DAB1: variants seen among roughly 807,000 people sequenced by gnomAD.
DAB1 encodes the protein disabled homolog 1.
In DAB1, 15 loss-of-function variants were observed where a neutral mutation model predicts 64.6. That is an observed-to-expected ratio of 0.23 (90% CI 0.16 to 0.36). The LOEUF (loss-of-function observed/expected upper bound fraction) is 0.36. DAB1 is among the 10% of genes least tolerant of loss of function. DAB1 has a pLI of 1.00. For missense variants in DAB1, 596 were observed against 706.7 expected, an observed-to-expected ratio of 0.84 and a Z score of 1.78; for synonymous variants, 235 against 251.9, an observed-to-expected ratio of 0.93 and a Z score of 0.64.
intron 7 of DAB1, among the ~76,000 whole-genome samples, chr1:57,439,299 A>G (rs547941792): frequency 6.6e-6 from 1 of 152,192 alleles, no homozygotes; most frequent in East Asian, 1.9e-4. Flanking sequence ...GTCATTGCCT[A>G]AAGCCAACAT....
At chr1:57,934,913 G>A (rs907447725) in intron 5 of DAB1, among the ~76,000 whole-genome samples, 22 of 152,174 alleles carry the variant, frequency 1.4e-4, no homozygotes, top group Admixed American at 1.3e-3. Flanking sequence ...CCAAAGAGAC[G>A]AAACAAAATT....
rs1570775870 is a variant in DAB1 at position 57,145,526 on chromosome 1, C to T, written c.68-97G>A. ...AAGATCCGCTGTCTGGTTTCATCTA[C>T]ATTCCCGGAAAGTCAAATCACTGGA... On this transcript the variant is annotated intron_variant, in intron 2 of 14. Coordinates refer to ENST00000371236, the MANE Select transcript of DAB1 (RefSeq NM_001365792.1). 4.2e-5 allele frequency: 56 copies of T among 1,328,270 alleles called. 2 individuals carry two copies. In the South Asian group the frequency reaches 7.3e-4, roughly 17 times the overall value. The allele number at this position is 1,328,270 out of a possible 1,614,324, so 82.3% of individuals were successfully genotyped here.
At chr1:57,307,389 C>T (rs1159486491) in intron 1 of DAB1, 1 of 152,390 alleles carries the variant, frequency 6.6e-6, no homozygotes, top group South Asian at 2.1e-4. Flanking sequence ...GTACTGCCAC[C>T]CTGAATGATA....
chr1:57,781,178 C>G (rs1271923180), intron 6 of DAB1, among the ~76,000 whole-genome samples: 1 of 82,088 alleles, frequency 1.2e-5, no homozygotes, highest in African/African-American at 4.6e-5. Context: ...ATATAGTTGC[C>G]TAATTACTTT....
intron 4 of DAB1, among the ~76,000 whole-genome samples, chr1:57,096,566 G>A (rs1570683966): frequency 6.6e-6 from 1 of 152,040 alleles, no homozygotes; most frequent in Non-Finnish European, 1.5e-5. Context: ...GCTCCTCAGG[G>A]TCTTGAACTC....
intron 9 of DAB1, among the ~76,000 whole-genome samples, chr1:57,057,045 G>T (rs1649845532): frequency 1.3e-5 from 2 of 152,094 alleles, no homozygotes; most frequent in South Asian, 4.2e-4. Context: ...GTGAGAGAAA[G>T]GAGGGGTTCC....
At position 57,728,724 on chromosome 1, in the gene DAB1, T is replaced by C. The variant is rs74970468; in HGVS notation, n.552-79059A>G. 3.5e-3 allele frequency among the ~76,000 whole-genome samples: 534 copies of C among 152,314 alleles called. 3 individuals are homozygous for C. The highest frequency in any genetic ancestry group is 0.012 in the African/African-American group (511 of 41,562). The stretch of plus-strand genomic sequence containing the variant: ...TTAGAATCTATATATCTTCCTGTTG[T>C]GGGAAAACTATTTTCAAAAGAAACC... On this transcript the variant is annotated intron_variant and non_coding_transcript_variant, in intron 6 of 20. Coordinates refer to the DAB1 transcript ENST00000485760.
intron 4 of DAB1, among the ~76,000 whole-genome samples, chr1:58,206,112 G>A (rs547890386): frequency 2.0e-4 from 30 of 152,304 alleles, no homozygotes; most frequent in African/African-American, 7.2e-4. Flanking sequence ...AGGACGTCCT[G>A]ATGACATGTG....
chr1:57,382,389 A>T (rs936922449), intron 1 of DAB1, among the ~76,000 whole-genome samples: 2 of 152,164 alleles, frequency 1.3e-5, no homozygotes, highest in African/African-American at 4.8e-5. Flanking sequence ...TTATCCATTC[A>T]TTCTCAACAA....
chr1:58,348,422 A>T (rs1204840802), intron 3 of DAB1, among the ~76,000 whole-genome samples: 2 of 152,152 alleles, frequency 1.3e-5, no homozygotes, highest in African/African-American at 2.4e-5. Context: ...TCATGGCTGT[A>T]GTTACAAAAA....
At chr1:57,628,571 A>G (rs1300641096) in intron 7 of DAB1, among the ~76,000 whole-genome samples, 1 of 151,220 alleles carries the variant, frequency 6.6e-6, no homozygotes, top group Non-Finnish European at 1.5e-5. Context: ...AAAACAGCTC[A>G]TTGTCTGTTT....
At chr1:57,555,397 T>TG (rs1312075890) in intron 7 of DAB1, among the ~76,000 whole-genome samples, 2 of 150,692 alleles carry the variant, frequency 1.3e-5, no homozygotes, top group Non-Finnish European at 3.0e-5. Flanking sequence ...CTGGGTTTTT[T>TG]TTTTTTTTTT....
At chr1:57,948,330 G>C (rs1258666656) in intron 5 of DAB1, among the ~76,000 whole-genome samples, 1 of 152,194 alleles carries the variant, frequency 6.6e-6, no homozygotes, top group African/African-American at 2.4e-5. Flanking sequence ...TAGCAAGGTT[G>C]CTGATGACTT....
At chr1:58,048,872 G>T in intron 5 of DAB1, 1 of 940,092 alleles carries the variant, frequency 1.1e-6, no homozygotes, top group Non-Finnish European at 1.7e-6. Flanking sequence ...CTTTGCCACT[G>T]CCTCAGTCAG....
intron 2 of DAB1, among the ~76,000 whole-genome samples, chr1:57,258,653 CA>C (rs1669947926): frequency 6.6e-6 from 1 of 152,146 alleles, no homozygotes; most frequent in Non-Finnish European, 1.5e-5. Flanking sequence ...CTACATTTAC[CA>C]TCTGCTAGCC....
chr1:57,028,326 G>A lies in DAB1; in HGVS notation c.724-2283C>T, dbSNP rs1205902389. Reference sequence around the variant, plus strand: ...ATGTAAGATGTGCCTTTTGCCTTCCGCCATGATATTGAGGCCTCCCCAGCC... The same window carrying A: ...ATGTAAGATGTGCCTTTTGCCTTCCACCATGATATTGAGGCCTCCCCAGCC... On this transcript the variant is annotated intron_variant, in intron 9 of 14. Coordinates refer to ENST00000371236, the MANE Select transcript of DAB1 (RefSeq NM_001365792.1). Among the ~76,000 whole-genome samples the A allele has an allele frequency of 3.9e-5, 6 of 152,194 alleles. No individual in the cohort carries two copies. The East Asian group carries it at 5.8e-4, about 15-fold the overall frequency.
At chr1:57,200,013 C>T (rs1368412667) in intron 2 of DAB1, among the ~76,000 whole-genome samples, 1 of 152,176 alleles carries the variant, frequency 6.6e-6, no homozygotes, top group African/African-American at 2.4e-5. Flanking sequence ...ATGTCATGGC[C>T]TCAGAGAACT....
chr1:57,599,384 C>T (rs1645549933), intron 7 of DAB1, among the ~76,000 whole-genome samples: 1 of 152,008 alleles, frequency 6.6e-6, no homozygotes, highest in South Asian at 2.1e-4. Flanking sequence ...CTCTCCCTTC[C>T]CTAAGGAATC....
intron 5 of DAB1, among the ~76,000 whole-genome samples, chr1:58,147,039 G>T (rs1174351155): frequency 6.6e-6 from 1 of 152,166 alleles, no homozygotes; most frequent in Admixed American, 6.5e-5. Context: ...AGGTGCAGTG[G>T]CTCACGCCTG....
Sources: allele counts gnomAD v4.1 joint callset (sites outside exome capture counted in the v4.1 genomes callset), GRCh38; gene constraint gnomAD v4.1.1; transcripts MANE v1.5; gene names NCBI Gene and HGNC (gene_info 2026-07-23, HGNC 2026-07-21).